The following ZMYM2 variants were observed in gnomAD, a reference collection of about 807,000 sequenced individuals.
ZMYM2 encodes zinc finger MYM-type protein 2.
In ZMYM2, 56 loss-of-function variants were observed where a neutral mutation model predicts 162.8. That is an observed-to-expected ratio of 0.34 (90% confidence interval 0.28 to 0.43). The LOEUF (loss-of-function observed/expected upper bound fraction) is 0.43. ZMYM2 is among the 20% of genes least tolerant of loss of function. The probability of loss-of-function intolerance (pLI) is 1.00; values close to 1 mark genes in which losing one functional copy is unlikely to be tolerated. For synonymous variants in ZMYM2, 510 were observed against 541.6 expected, an observed-to-expected ratio of 0.94 and a Z score of 0.81; for missense variants, 1,275 against 1,621.8, an observed-to-expected ratio of 0.79 and a Z score of 3.67.
chr13:19,917,706 T>C, the ZMYM2 span, among the ~76,000 whole-genome samples: 1 of 152,142 alleles, frequency 6.6e-6, no homozygotes, highest in African/African-American at 2.4e-5. Context: ...TTAATACATA[T>C]GGACCAGATA....
the ZMYM2 span, among the ~76,000 whole-genome samples, chr13:19,901,635 C>G: frequency 6.6e-6 from 1 of 152,020 alleles, no homozygotes; most frequent in African/African-American, 2.4e-5. Flanking sequence ...AGGCGTGGTG[C>G]CTGGCTAATT....
chr13:19,947,666 C>CTAGGCTAGGA, the ZMYM2 span, among the ~76,000 whole-genome samples: 1 of 52,234 alleles, frequency 1.9e-5, no homozygotes, highest in Non-Finnish European at 4.2e-5. Context: ...ACCATGTTGG[C>CTAGGCTAGGA]TAGGCTAGGC....
At chr13:19,886,390 C>A in the ZMYM2 span, among the ~76,000 whole-genome samples, 4 of 151,594 alleles carry the variant, frequency 2.6e-5, no homozygotes, top group Non-Finnish European at 5.9e-5. Flanking sequence ...TCTCAAACTC[C>A]CGACCTCGGT....
chr13:19,994,354 AT>A (rs987436907), intron 3 of ZMYM2, among the ~76,000 whole-genome samples: 8 of 152,208 alleles, frequency 5.3e-5, no homozygotes, highest in African/African-American at 1.9e-4. Flanking sequence ...ATGAAGTGTG[AT>A]AATTTAATAT....
intron 12 of ZMYM2, among the ~76,000 whole-genome samples, chr13:20,040,729 T>G (rs898957709): frequency 2.0e-5 from 3 of 152,208 alleles, no homozygotes; most frequent in African/African-American, 7.2e-5. Flanking sequence ...AACTTTTTGA[T>G]GTGGGCATTT....
Position 20,086,136 on chromosome 13 carries a change from A to G in ZMYM2, c.*122A>G. The G allele has an allele frequency of 2.2e-6, 2 of 924,230 alleles. No individual in the cohort carries two copies. Among genetic ancestry groups the G allele is most frequent in the East Asian group, 2.6e-5 (1 of 37,986 alleles). The allele number at this position is 924,230 out of a possible 1,614,324, so 57.3% of individuals were successfully genotyped here. A position where few individuals can be genotyped will look rare whatever the true frequency, so the allele number is the denominator to read the frequency against. On this transcript the variant is annotated 3_prime_UTR_variant, in exon 25 of 25. Transcript: ENST00000610343. The stretch of plus-strand genomic sequence containing the variant: ...TTTTGAGTTTTGTAGCAGTGTACCC[A>G]CGCTGGGTATTACCATGTAAATAAT...
intron 21 of ZMYM2, chr13:20,068,379 T>G (rs1215892888): frequency 5.9e-6 from 1 of 169,662 alleles, no homozygotes; most frequent in Non-Finnish European, 1.3e-5. Flanking sequence ...GTTGTCTTTA[T>G]TACTCTTGGT....
chr13:19,869,325 AATTATGTTCT>A, the ZMYM2 span, among the ~76,000 whole-genome samples: 2 of 152,138 alleles, frequency 1.3e-5, no homozygotes. Context: ...TTTTAACTTA[AATTATGTTCT>A]ATAAGTATAT....
chr13:19,997,910 C>T (rs576221112), intron 3 of ZMYM2, among the ~76,000 whole-genome samples: 1 of 152,128 alleles, frequency 6.6e-6, no homozygotes, highest in East Asian at 1.9e-4. Context: ...AGCTTGGTTC[C>T]AGTTTTTCCT....
In ZMYM2 at chr13:19,992,983, C is replaced by T. The variant is rs1488363558; in HGVS notation, c.-10-80C>T. On this transcript the variant is annotated intron_variant, in intron 2 of 24. Transcript: ENST00000610343. ...TAGAATAAAAATAAAATAAAAGTAC[C>T]CTTTAAATCAATGGTTTCAGTTAGA... 12 of 1,416,172 alleles carry T rather than the reference C, an allele frequency of 8.5e-6. 1 individual carries two copies. Among genetic ancestry groups the T allele is most frequent in the Middle Eastern group, 1.9e-4 (1 of 5,328 alleles). 87.7% of individuals were successfully genotyped at this position (1,416,172 alleles called of 1,614,324 possible).
the ZMYM2 span, among the ~76,000 whole-genome samples, chr13:19,882,150 A>G: frequency 2.6e-5 from 4 of 152,190 alleles, no homozygotes; most frequent in Admixed American, 6.5e-5. Flanking sequence ...CTTAGATACA[A>G]AAGCCGAGCA....
chr13:20,059,588 C>T, intron 16 of ZMYM2, 26 bp downstream of exon 16: 1 of 1,017,020 alleles, frequency 9.8e-7, no homozygotes, highest in Non-Finnish European at 1.6e-6. Flanking sequence ...AGTTCTTTCT[C>T]ATTTTGAGAT....
intron 12 of ZMYM2, among the ~76,000 whole-genome samples, chr13:20,046,577 A>ATGTGTGTGTGTGTGTG (rs1417698365): frequency 2.1e-5 from 1 of 46,632 alleles, no homozygotes; most frequent in South Asian, 9.1e-4. Flanking sequence ...ATATATATAT[A>ATGTGTGTGTGTGTGTG]TATATGTGTG....
chr13:20,084,288 C>T (rs909838013), intron 24 of ZMYM2, among the ~76,000 whole-genome samples: 63 of 152,228 alleles, frequency 4.1e-4, no homozygotes, highest in Admixed American at 7.9e-4. Context: ...GCTGGAATTA[C>T]AGGCATGAGC....
the ZMYM2 span, among the ~76,000 whole-genome samples, chr13:19,885,979 A>ATGTG: frequency 4.4e-4 from 15 of 34,056 alleles, 4 homozygotes; most frequent in Non-Finnish European, 7.5e-4. Context: ...ACACATATAT[A>ATGTG]TGTATATACA....
intron 22 of ZMYM2, 83 bp downstream of exon 22, chr13:20,082,213 T>G (rs1957958376): frequency 3.0e-6 from 3 of 1,012,764 alleles, no homozygotes. Context: ...ATATTATAAT[T>G]AAGTCACTTA....
At position 20,011,575 on chromosome 13, in the gene ZMYM2, TTTA is replaced by T. The variant is rs1201812963; in HGVS notation, c.1512+4992_1512+4994del. Among the ~76,000 whole-genome samples, 7 of 150,002 alleles carry T rather than the reference TTTA, an allele frequency of 4.7e-5. 1 individual carries two copies. Among genetic ancestry groups the T allele is most frequent in the African/African-American group, 7.4e-5 (3 of 40,564 alleles). ...TGTGCAGAAGTTTTTATTTTTTTGT[TTTA>T]TTTTTTTTTTTTTTGAGGGGTGAAG... On this transcript the variant is annotated intron_variant, in intron 6 of 24. Transcript: ENST00000610343.
chr13:20,083,490 A>ATATCT (rs1053689358), intron 23 of ZMYM2, 166 bp from the exon 24 acceptor site: 8 of 603,016 alleles, frequency 1.3e-5, no homozygotes, highest in Non-Finnish European at 2.3e-5. Flanking sequence ...ATGTCTTAAG[A>ATATCT]TGTCTCAGTT....
rs56165263 is a variant in ZMYM2, at chr13:19,982,281, C to CTTTTTTTTTTTTTT, written c.-10-10772_-10-10759dup. ...TTTCACTGAGTTGTCTATTAGCTGT[C>CTTTTTTTTTTTTTT]TTTTTTTTTTTTTTTTTTTTTTTGG... On this transcript the variant is annotated intron_variant, in intron 2 of 24. Coordinates refer to ENST00000610343, the MANE Select transcript of ZMYM2 (RefSeq NM_197968.4). Among the ~76,000 whole-genome samples, 2 of 86,256 alleles carry CTTTTTTTTTTTTTT rather than the reference C, an allele frequency of 2.3e-5. 1 individual carries two copies. The allele number at this position is 86,256 out of a possible 152,430, so 56.6% of individuals were successfully genotyped here.
Sources: allele counts gnomAD v4.1 joint callset (sites outside exome capture counted in the v4.1 genomes callset), GRCh38; gene constraint gnomAD v4.1.1; transcripts MANE v1.5; gene names NCBI Gene and HGNC (gene_info 2026-07-23, HGNC 2026-07-21).